The following ELOVL6 variants were observed in gnomAD, a reference collection of about 807,000 sequenced individuals.
ELOVL6 encodes very long chain fatty acid elongase 6.
A neutral mutation model predicts 31.7 loss-of-function variants in ELOVL6; 8 were observed. The observed-to-expected ratio is 0.25, with a 90% CI of 0.15 to 0.45. ELOVL6 has a LOEUF of 0.45. ELOVL6 is among the 20% of genes least tolerant of loss of function. The probability of loss-of-function intolerance (pLI) is 1.00; values close to 1 mark genes in which losing one functional copy is unlikely to be tolerated. For synonymous variants in ELOVL6, 101 were observed against 117.7 expected, an observed-to-expected ratio of 0.86 and a Z score of 0.92; for missense variants, 126 against 326.4, an observed-to-expected ratio of 0.39 and a Z score of 4.73.
intron 2 of ELOVL6, among the ~76,000 whole-genome samples, chr4:110,075,884 A>C (rs1460922236): frequency 6.6e-6 from 1 of 152,248 alleles, no homozygotes; most frequent in Non-Finnish European, 1.5e-5. Flanking sequence ...TTTCAAGTTA[A>C]TGACTTGTAA....
intron 1 of ELOVL6, among the ~76,000 whole-genome samples, chr4:110,140,511 A>G (rs1277296350): frequency 6.6e-6 from 1 of 151,982 alleles, no homozygotes; most frequent in Admixed American, 6.6e-5. Flanking sequence ...TCACTGTTTT[A>G]GCCTCCTGAG....
chr4:110,198,133 G>T, intron 1 of ELOVL6, 114 bp downstream of exon 1: 1 of 733,942 alleles, frequency 1.4e-6, no homozygotes, highest in South Asian at 1.4e-5. Context: ...CGATCAGCTG[G>T]CTGCCCGCGA....
At chr4:110,117,394 T>C (rs188255577) in intron 1 of ELOVL6, among the ~76,000 whole-genome samples, 109 of 152,328 alleles carry the variant, frequency 7.2e-4, no homozygotes, top group Non-Finnish European at 1.1e-3. Flanking sequence ...CAGGCTGAAT[T>C]GCTTCAAATT....
intron 1 of ELOVL6, among the ~76,000 whole-genome samples, chr4:110,179,733 T>C (rs1759217068): frequency 6.6e-6 from 1 of 152,166 alleles, no homozygotes; most frequent in South Asian, 2.1e-4. Flanking sequence ...AAACAAGACA[T>C]ACGGAGCTGT....
At chr4:110,066,637 CAAAAAAAAAAAAA>C (rs1209180349) in intron 2 of ELOVL6, among the ~76,000 whole-genome samples, 1 of 56,556 alleles carries the variant, frequency 1.8e-5, no homozygotes, top group Admixed American at 2.2e-4. Context: ...TCTGTCTCAA[CAAAAAAAAAAAAA>C]AAAAAAAAAA....
chr4:110,088,400 T>C (rs1398331680), intron 2 of ELOVL6, among the ~76,000 whole-genome samples: 1 of 152,120 alleles, frequency 6.6e-6, no homozygotes, highest in Non-Finnish European at 1.5e-5. Context: ...ACCCACCAAT[T>C]GGGACACATT....
rs1012555491 is a variant in ELOVL6 at position 110,047,302 on chromosome 4, A to G, written c.*4036T>C. 4 of 151,840 alleles carry G rather than the reference A, an allele frequency of 2.6e-5. No individual in the cohort carries two copies. The highest frequency in any genetic ancestry group is 9.7e-5 in the African/African-American group (4 of 41,304). The allele number at this position is 151,840 out of a possible 1,614,324, so 9.4% of individuals were successfully genotyped here. A position where few individuals can be genotyped will look rare whatever the true frequency, so the allele number is the denominator to read the frequency against. On this transcript the variant is annotated 3_prime_UTR_variant, in exon 4 of 4. Coordinates refer to ENST00000302274, the MANE Select transcript of ELOVL6 (RefSeq NM_024090.3). Reference sequence around the variant, plus strand: ...CAGCCTCTTGAATCAGACCTTGGCCAATCCAGTTACTCTGTTAAAGAATCA... The same window carrying G: ...CAGCCTCTTGAATCAGACCTTGGCCGATCCAGTTACTCTGTTAAAGAATCA...
rs1298920848 is a variant in ELOVL6 at position 110,050,337 on chromosome 4, G to C, written c.*1001C>G. 1 of 152,618 alleles carries C rather than the reference G, an allele frequency of 6.6e-6. No homozygotes were observed. The highest frequency in any genetic ancestry group is 1.5e-5 in the Non-Finnish European group (1 of 68,054). 9.5% of individuals were successfully genotyped at this position (152,618 alleles called of 1,614,324 possible). On this transcript the variant is annotated 3_prime_UTR_variant, in exon 4 of 4. Coordinates refer to ENST00000302274, the MANE Select transcript of ELOVL6 (RefSeq NM_024090.3). ...ACAGGGAGGGGCATACACACCATCT[G>C]TCTGTCGAATTGATCTTCGGCTCAC...
At position 110,090,600 on chromosome 4, in the gene ELOVL6, C is replaced by CTTTTTTTTTTTTT. The variant is rs544234717; in HGVS notation, c.221+14884_221+14896dup. Among the ~76,000 whole-genome samples, 97 of 103,712 alleles carry CTTTTTTTTTTTTT rather than the reference C, an allele frequency of 9.4e-4. 8 individuals carry two copies. Among genetic ancestry groups the CTTTTTTTTTTTTT allele is most frequent in the African/African-American group, 1.8e-3 (42 of 23,390 alleles). The allele number at this position is 103,712 out of a possible 152,430, so 68.0% of individuals were successfully genotyped here. A position where few individuals can be genotyped will look rare whatever the true frequency, so the allele number is the denominator to read the frequency against. ...GGAACTTACAGGAAAGTTTGACTTT[C>CTTTTTTTTTTTTT]TTTTTTTTTTTTTTTTTTTTCATGA... On this transcript the variant is annotated intron_variant, in intron 2 of 3. Transcript: ENST00000302274.
At chr4:110,193,679 G>C (rs34601932) in intron 1 of ELOVL6, among the ~76,000 whole-genome samples, 2 of 152,048 alleles carry the variant, frequency 1.3e-5, no homozygotes, top group Non-Finnish European at 2.9e-5. Context: ...GAATAAAAAG[G>C]CTTCCTCAGC....
chr4:110,194,925 T>C (rs951500992), intron 1 of ELOVL6, among the ~76,000 whole-genome samples: 1 of 152,206 alleles, frequency 6.6e-6, no homozygotes, highest in African/African-American at 2.4e-5. Flanking sequence ...AGAAGAGATT[T>C]ATAAGGACAA....
At chr4:110,122,361 T>A (rs76778750) in intron 1 of ELOVL6, among the ~76,000 whole-genome samples, 5,143 of 152,254 alleles carry the variant, frequency 0.034, 235 homozygotes, top group African/African-American at 0.11. Context: ...TTTGGCATCA[T>A]CTCTAAGATG....
At chr4:110,124,088 T>A (rs764123317) in intron 1 of ELOVL6, among the ~76,000 whole-genome samples, 21 of 152,230 alleles carry the variant, frequency 1.4e-4, no homozygotes, top group Non-Finnish European at 2.5e-4. Flanking sequence ...AAGTCTTGAA[T>A]TAAAACAGGT....
chr4:110,095,390 G>A (rs1578477191), intron 2 of ELOVL6, among the ~76,000 whole-genome samples: 2 of 151,366 alleles, frequency 1.3e-5, no homozygotes, highest in Non-Finnish European at 2.9e-5. Flanking sequence ...GCTGAGGCAT[G>A]AGAATCACTT....
chr4:110,111,435 T>C (rs1188644818), intron 1 of ELOVL6, among the ~76,000 whole-genome samples: 3 of 152,068 alleles, frequency 2.0e-5, no homozygotes, highest in Non-Finnish European at 4.4e-5. Context: ...TTCAGTTTTT[T>C]TTTTTCTTCT....
At chr4:110,112,188 C>T (rs974196164) in intron 1 of ELOVL6, among the ~76,000 whole-genome samples, 1 of 152,112 alleles carries the variant, frequency 6.6e-6, no homozygotes, top group South Asian at 2.1e-4. Context: ...CACAGAGAAA[C>T]TTGGTATGCA....
chr4:110,148,981 C>T (rs967754038), intron 1 of ELOVL6, among the ~76,000 whole-genome samples: 1 of 152,134 alleles, frequency 6.6e-6, no homozygotes, highest in African/African-American at 2.4e-5. Context: ...CTGCCTTGGC[C>T]TCCCAAGTAG....
At chr4:110,167,641 C>A (rs1758813726) in intron 1 of ELOVL6, among the ~76,000 whole-genome samples, 1 of 151,432 alleles carries the variant, frequency 6.6e-6, no homozygotes, top group South Asian at 2.1e-4. Context: ...AGGGTGCCTG[C>A]CACCACCTCA....
intron 1 of ELOVL6, among the ~76,000 whole-genome samples, chr4:110,110,748 C>A (rs975147700): frequency 7.2e-5 from 11 of 152,100 alleles, no homozygotes; most frequent in Admixed American, 1.3e-4. Context: ...TTCTGACAAA[C>A]AATTTTGTGA....
Sources: gnomAD v4.1 joint callset for allele counts (sites outside exome capture counted in the v4.1 genomes callset) on GRCh38, gnomAD v4.1.1 for gene constraint, MANE v1.5 for transcripts, NCBI Gene and HGNC (gene_info 2026-07-23, HGNC 2026-07-21) for gene names.